The following SPIN3 variants were observed in gnomAD, a reference collection of about 807,000 sequenced individuals.
SPIN3 encodes the protein spindlin family member 3.
For missense variants in SPIN3, 176 were observed against 196.4 expected (o/e 0.90, Z 0.62); for synonymous variants, 74 against 74.3 (o/e 1.00, Z 0.02).
At chrX:56,978,461 G>A (rs1286384198) in intron 4 of SPIN3, 1 of 112,244 alleles carries the variant, frequency 8.9e-6, no homozygotes, top group Non-Finnish European at 1.9e-5. Flanking sequence ...ACAGACAGGA[G>A]AGTCAACTTG....
At chrX:56,980,465 CAT>C (rs935174912) in intron 3 of SPIN3, 3 of 109,899 alleles carry the variant, frequency 2.7e-5, no homozygotes, top group Non-Finnish European at 5.7e-5. Flanking sequence ...TTTGGGGATA[CAT>C]ATATAGTGAA....
At position 56,980,733 on chromosome X, in the gene SPIN3, T is replaced by G. The variant is rs1284508534; in HGVS notation, c.*205-2073A>C. On this transcript the variant is annotated intron_variant and NMD_transcript_variant, in intron 3 of 5. Coordinates refer to the SPIN3 transcript ENST00000475785. ...TCCACTCTCTGGACCTGTTTCATACTCTGTACAAATGAGGAGGGAGACTAG... is the reference window on the plus strand; with the variant it reads ...TCCACTCTCTGGACCTGTTTCATACGCTGTACAAATGAGGAGGGAGACTAG... 2.7e-5 allele frequency among the ~76,000 whole-genome samples: 3 copies of G among 110,144 alleles called. No homozygotes were observed. The Admixed American group carries it at 2.9e-4, about 11-fold the overall frequency.
downstream of SPIN3, among the ~76,000 whole-genome samples, chrX:56,988,881 C>A (rs1271157680): frequency 1.8e-5 from 2 of 111,332 alleles, no homozygotes; most frequent in African/African-American, 6.5e-5. Flanking sequence ...ATTGTTCAAC[C>A]CCCAGGTGCA....
At position 56,995,246 on chromosome X, in the gene SPIN3, C is replaced by T. The variant is rs1924467414; in HGVS notation, c.-33G>A. Reference sequence around the variant, plus strand: ...CAGGAGGCGCAGATTCCCCACCGTCCCGGATTGCGGGCCTCAAGTGCACAA... The same window carrying T: ...CAGGAGGCGCAGATTCCCCACCGTCTCGGATTGCGGGCCTCAAGTGCACAA... On this transcript the variant is annotated 5_prime_UTR_variant, in exon 1 of 2. Coordinates refer to ENST00000374919, the MANE Select transcript of SPIN3 (RefSeq NM_001010862.3). 4 of 293,448 alleles carry T rather than the reference C, an allele frequency of 1.4e-5. No individual in the cohort carries two copies. In the South Asian group the frequency reaches 4.1e-4, roughly 30 times the overall value. 24.2% of individuals were successfully genotyped at this position (293,448 alleles called of 1,213,427 possible).
chrX:56,975,341 A>G (rs958271211), downstream of SPIN3: 1 of 111,531 alleles, frequency 9.0e-6, no homozygotes, highest in Non-Finnish European at 1.9e-5. Flanking sequence ...ATTTATAGGT[A>G]GATTTAAAAA....
At chrX:56,984,474 A>C in exon 3 of SPIN3, 1 of 328,312 alleles carries the variant, frequency 3.0e-6, no homozygotes, top group Non-Finnish European at 5.9e-6. Context: ...GTTTATTCAA[A>C]GGAGCTGAAA....
At chrX:56,986,190 C>T (rs1296042981), downstream of SPIN3, among the ~76,000 whole-genome samples, 1 of 110,936 alleles carries the variant, frequency 9.0e-6, no homozygotes, top group African/African-American at 3.3e-5. Flanking sequence ...GTTAAAGTGC[C>T]TGGAACAAAG....
In SPIN3 at chrX:56,991,739, G is replaced by A. The variant is rs1367967935; in HGVS notation, c.*2432C>T. The A allele has an allele frequency of 8.2e-6, 1 of 121,306 alleles. No individual in the cohort carries two copies. The highest frequency in any genetic ancestry group is 1.7e-5 in the Non-Finnish European group (1 of 59,473). The allele number at this position is 121,306 out of a possible 1,213,427, so 10.0% of individuals were successfully genotyped here. Reference sequence around the variant, plus strand: ...ATCAATGTAAGATTGGTGAGCAGTTGTTTTTGCCCCCAAGAGGCTCTGAAA... The same window carrying A: ...ATCAATGTAAGATTGGTGAGCAGTTATTTTTGCCCCCAAGAGGCTCTGAAA... On this transcript the variant is annotated 3_prime_UTR_variant, in exon 2 of 2. Coordinates refer to ENST00000374919, the MANE Select transcript of SPIN3 (RefSeq NM_001010862.3).
rs1423835335 is a variant in SPIN3, at chrX:56,994,264, G to C, written c.684C>G (p.Val228=). 1 of 1,210,033 alleles carries C rather than the reference G, an allele frequency of 8.3e-7. No individual in the cohort carries two copies. Among genetic ancestry groups the C allele is most frequent in the Non-Finnish European group, 1.1e-6 (1 of 895,254 alleles). Residue 228 remains valine (V), a synonymous_variant, in exon 2 of 2, where the codon GTC becomes GTG. Transcript: ENST00000374919. ...AGGGTTTTGCTTCTACCTGATGAAT[G>C]ACCATGCCAGTTCTCTTGGAGCCAT... ...KDDGSKRTGM[V]IHQVEAKPSV... is the part of the protein sequence containing the mutation.
At chrX:56,984,974 G>A (rs1924194459) in intron 2 of SPIN3, among the ~76,000 whole-genome samples, 1 of 111,319 alleles carries the variant, frequency 9.0e-6, no homozygotes, top group African/African-American at 3.3e-5. Context: ...ATCTCTATCA[G>A]TGGCAACTCC....
chrX:56,980,645 G>T (rs1358393395), intron 3 of SPIN3, among the ~76,000 whole-genome samples: 1 of 109,568 alleles, frequency 9.1e-6, no homozygotes, highest in Non-Finnish European at 1.9e-5. Context: ...GCGTGGCTTG[G>T]GAGTCAGACA....
intron 4 of SPIN3, chrX:56,978,574 G>A (rs985045910): frequency 5.4e-5 from 6 of 111,048 alleles, no homozygotes; most frequent in Admixed American, 9.6e-5. Flanking sequence ...TCTTGTAAAC[G>A]CTTACCTTAT....
Position 56,992,364 on chromosome X carries a change from G to GT in SPIN3, c.*1806dup, listed in dbSNP as rs992037127. ...ACACTAGTCCCCAGCCACTAGAACAGTTTTTTTAAGCAAATATATGACCCC... is the reference window on the plus strand; with the variant it reads ...ACACTAGTCCCCAGCCACTAGAACAGTTTTTTTTAAGCAAATATATGACCCC... On this transcript the variant is annotated 3_prime_UTR_variant, in exon 2 of 2. Coordinates refer to ENST00000374919, the MANE Select transcript of SPIN3 (RefSeq NM_001010862.3). 3 of 297,131 alleles carry GT rather than the reference G, an allele frequency of 1.0e-5. No individual in the cohort carries two copies. The highest frequency in any genetic ancestry group is 4.7e-5 in the East Asian group (1 of 21,073). 24.5% of individuals were successfully genotyped at this position (297,131 alleles called of 1,213,427 possible).
At chrX:56,986,451 T>G (rs184435844), downstream of SPIN3, among the ~76,000 whole-genome samples, 1 of 111,849 alleles carries the variant, frequency 8.9e-6, no homozygotes, top group Admixed American at 9.5e-5. Context: ...AGTCCAGCAC[T>G]CTTACCAGCT....
intron 3 of SPIN3, among the ~76,000 whole-genome samples, chrX:56,983,253 TGA>T (rs1394742949): frequency 8.9e-6 from 1 of 111,967 alleles, no homozygotes; most frequent in Admixed American, 9.5e-5. Context: ...CAGTCATTCT[TGA>T]GACACCTGTT....
chrX:56,994,903 C>T lies in SPIN3; in HGVS notation c.45G>A (p.Arg15=), dbSNP rs1924454576. The T allele has an allele frequency of 8.3e-7, 1 of 1,206,369 alleles. No individual in the cohort carries two copies. The highest frequency in any genetic ancestry group is 1.1e-6 in the Non-Finnish European group (1 of 892,600). Residue 15 remains arginine, a synonymous_variant, in exon 2 of 2, where the codon AGG becomes AGA. Coordinates refer to ENST00000374919, the MANE Select transcript of SPIN3 (RefSeq NM_001010862.3). The part of the protein sequence containing the change: ...FGKAAAGQRS[R]TGAGHGSVSV... ...ACACACTGCCGTGGCCAGCGCCCGT[C>T]CTGGACCGCTGCCCTGCAGCTGCCT...
At chrX:56,984,332 T>C (rs956244147) in exon 3 of SPIN3, 7 of 285,422 alleles carry the variant, frequency 2.5e-5, no homozygotes, top group African/African-American at 2.0e-4. Flanking sequence ...AAGGAAACCA[T>C]ATTGTCCCTC....
downstream of SPIN3, among the ~76,000 whole-genome samples, chrX:56,988,677 T>C (rs763605965): frequency 5.8e-4 from 64 of 111,273 alleles, no homozygotes; most frequent in Non-Finnish European, 1.0e-3. Flanking sequence ...CCCAGCAGCA[T>C]CAGTCTCATG....
chrX:56,975,386 T>C (rs989799993), downstream of SPIN3: 1 of 111,955 alleles, frequency 8.9e-6, no homozygotes, highest in Admixed American at 9.5e-5. Context: ...ATCAATAAAA[T>C]GCGATGTCTG....
Sources: allele counts gnomAD v4.1 joint callset (sites outside exome capture counted in the v4.1 genomes callset), GRCh38; gene constraint gnomAD v4.1.1; transcripts MANE v1.5; gene names NCBI Gene and HGNC (gene_info 2026-07-23, HGNC 2026-07-21).